The following GNAT3 variants were observed in gnomAD, a reference collection of about 807,000 sequenced individuals.
GNAT3 encodes guanine nucleotide-binding protein G(t) subunit alpha-3.
Under a neutral mutation model 37.7 loss-of-function variants are expected in GNAT3, and 31 were observed. That is an observed-to-expected ratio of 0.82 (90% CI 0.62 to 1.11). The LOEUF (loss-of-function observed/expected upper bound fraction) is 1.11, where lower values mean the gene tolerates loss of function less well. Among genes scored for constraint, GNAT3 ranks in the 50% most tolerant of loss-of-function variants. GNAT3 has a pLI of 0.00. For synonymous variants in GNAT3, 138 were observed against 139.8 expected (o/e 0.99, Z 0.09); for missense variants, 437 against 412.5 (o/e 1.06, Z -0.51).
rs755796962 is a variant in GNAT3 at position 80,478,831 on chromosome 7, A to G, written c.461+10T>C. 6.2e-7 allele frequency: 1 copy of G among 1,611,160 alleles called. No individual in the cohort carries two copies. The highest frequency in any genetic ancestry group is 1.1e-5 in the South Asian group (1 of 90,688). ...TTACCTCCAATTCCCCTTAAAGTGAATTCACTTACTAAGCTGCTGAGTCAT... is the reference window on the plus strand; with the variant it reads ...TTACCTCCAATTCCCCTTAAAGTGAGTTCACTTACTAAGCTGCTGAGTCAT... On this transcript the variant is annotated intron_variant, in intron 4 of 7. Coordinates refer to ENST00000398291, the MANE Select transcript of GNAT3 (RefSeq NM_001102386.3).
At chr7:80,501,416 T>C (rs1790832315) in intron 1 of GNAT3, among the ~76,000 whole-genome samples, 1 of 151,982 alleles carries the variant, frequency 6.6e-6, no homozygotes, top group African/African-American at 2.4e-5. Context: ...TTGAAATGCA[T>C]CTTCTAAGAA....
chr7:80,466,652 G>T (rs1790134939), intron 5 of GNAT3, among the ~76,000 whole-genome samples: 1 of 152,024 alleles, frequency 6.6e-6, no homozygotes, highest in Non-Finnish European at 1.5e-5. Context: ...GAAAAAAAGG[G>T]AGCCTCATAT....
intron 7 of GNAT3, among the ~76,000 whole-genome samples, chr7:80,460,640 C>T (rs1265408604): frequency 6.6e-6 from 1 of 151,724 alleles, no homozygotes; most frequent in African/African-American, 2.4e-5. Context: ...CCCAGCTACT[C>T]GGGAGGCCAA....
intron 1 of GNAT3, among the ~76,000 whole-genome samples, chr7:80,504,795 A>G (rs896859737): frequency 1.3e-5 from 2 of 152,208 alleles, no homozygotes; most frequent in African/African-American, 2.4e-5. Context: ...AGATTTGGAG[A>G]TGATCATTTA....
chr7:80,491,498 A>G (rs549178986), intron 2 of GNAT3, among the ~76,000 whole-genome samples: 1 of 152,184 alleles, frequency 6.6e-6, no homozygotes, highest in Non-Finnish European at 1.5e-5. Context: ...GAGTAAGTAG[A>G]GAAGTGCCAG....
chr7:80,473,225 C>T (rs1270037908), intron 5 of GNAT3, among the ~76,000 whole-genome samples: 1 of 152,132 alleles, frequency 6.6e-6, no homozygotes, highest in Non-Finnish European at 1.5e-5. Context: ...GCTCATCTTT[C>T]AGAAAATTAA....
At chr7:80,493,470 A>C (rs1404161426) in intron 2 of GNAT3, among the ~76,000 whole-genome samples, 1 of 152,240 alleles carries the variant, frequency 6.6e-6, no homozygotes, top group Non-Finnish European at 1.5e-5. Context: ...ACAGTGTCTT[A>C]GATTGAAACC....
At chr7:80,500,799 T>C (rs1397247584) in intron 1 of GNAT3, among the ~76,000 whole-genome samples, 1 of 151,148 alleles carries the variant, frequency 6.6e-6, no homozygotes, top group Non-Finnish European at 1.5e-5. Context: ...GATTTTTCTC[T>C]TTTAATTTGA....
chr7:80,480,355 G>A (rs1744604293), intron 3 of GNAT3, among the ~76,000 whole-genome samples: 2 of 152,044 alleles, frequency 1.3e-5, no homozygotes, highest in Non-Finnish European at 1.5e-5. Flanking sequence ...TTTTAGAAAC[G>A]AGTAAACCAG....
intron 3 of GNAT3, among the ~76,000 whole-genome samples, chr7:80,483,868 A>T (rs1161775155): frequency 6.6e-6 from 1 of 152,046 alleles, no homozygotes; most frequent in East Asian, 1.9e-4. Flanking sequence ...CATCCCAAAG[A>T]AGTTTTATTT....
chr7:80,497,581 T>C (rs532071129), intron 1 of GNAT3, among the ~76,000 whole-genome samples: 62 of 138,048 alleles, frequency 4.5e-4, no homozygotes, highest in Admixed American at 1.9e-3. Flanking sequence ...TACATATACG[T>C]ATATACATAT....
chr7:80,474,132 G>A (rs558952612), intron 5 of GNAT3, 119 bp downstream of exon 5: 330 of 914,594 alleles, frequency 3.6e-4, no homozygotes, highest in Non-Finnish European at 5.0e-4. Flanking sequence ...GTAAACTAGA[G>A]CTAGTGAGTA....
intron 5 of GNAT3, among the ~76,000 whole-genome samples, chr7:80,468,379 T>A (rs1268769028): frequency 6.6e-6 from 1 of 152,074 alleles, no homozygotes; most frequent in East Asian, 1.9e-4. Context: ...TGCAGGTAAT[T>A]TATTTGTTAG....
chr7:80,465,120 A>G (rs1282459489), intron 5 of GNAT3, among the ~76,000 whole-genome samples: 1 of 152,170 alleles, frequency 6.6e-6, no homozygotes, highest in Non-Finnish European at 1.5e-5. Context: ...ATAAATATGC[A>G]TTCAGAAATT....
intron 2 of GNAT3, among the ~76,000 whole-genome samples, chr7:80,490,598 G>T (rs1344713296): frequency 6.6e-6 from 1 of 152,186 alleles, no homozygotes; most frequent in African/African-American, 2.4e-5. Context: ...ATTGTAGGAA[G>T]AAAGATCAGT....
intron 7 of GNAT3, 41 bp downstream of exon 7, chr7:80,462,118 C>T: frequency 1.6e-6 from 2 of 1,269,996 alleles, no homozygotes; most frequent in Non-Finnish European, 2.2e-6. Flanking sequence ...TATATTTATA[C>T]AAAAATTTAT....
chr7:80,475,972 T>C (rs1444191108), intron 4 of GNAT3, among the ~76,000 whole-genome samples: 3 of 152,110 alleles, frequency 2.0e-5, no homozygotes, highest in African/African-American at 7.2e-5. Context: ...GATTTGCTAG[T>C]GTATTTATTT....
At chr7:80,477,846 A>G (rs1469369309) in intron 4 of GNAT3, among the ~76,000 whole-genome samples, 1 of 152,218 alleles carries the variant, frequency 6.6e-6, no homozygotes, top group Non-Finnish European at 1.5e-5. Flanking sequence ...TTGTATTTAC[A>G]TATGCACACA....
chr7:80,485,492 G>T (rs1790462605), intron 3 of GNAT3, among the ~76,000 whole-genome samples: 1 of 151,976 alleles, frequency 6.6e-6, no homozygotes, highest in Non-Finnish European at 1.5e-5. Flanking sequence ...CTTTAAGCAA[G>T]GATTGAGCTC....
Sources: allele counts gnomAD v4.1 joint callset (sites outside exome capture counted in the v4.1 genomes callset), GRCh38; gene constraint gnomAD v4.1.1; transcripts MANE v1.5; gene names NCBI Gene and HGNC (gene_info 2026-07-23, HGNC 2026-07-21).